The following CADM2 variants were observed in gnomAD, a reference collection of about 807,000 sequenced individuals.
CADM2 encodes cell adhesion molecule 2.
In CADM2, 12 loss-of-function variants were observed where a neutral mutation model predicts 49.8. The ratio of observed to expected loss-of-function variants is 0.24; its 90% CI spans 0.15 to 0.39. CADM2 has a LOEUF of 0.39. Ranked by LOEUF, CADM2 falls within the 10% of genes least tolerant of loss-of-function variation. The pLI is 1.00. For missense variants in CADM2, 378 were observed against 492.3 expected (o/e 0.77, Z 2.20); for synonymous variants, 214 against 175.4 (o/e 1.22, Z -1.74).
chr3:85,253,644 A>G (rs2042823649), intron 1 of CADM2, among the ~76,000 whole-genome samples: 1 of 152,000 alleles, frequency 6.6e-6, no homozygotes, highest in Admixed American at 6.6e-5. Context: ...AATGTCCTCC[A>G]AGTTTGTCGC....
At chr3:86,062,632 T>C (rs546628795) in intron 8 of CADM2, among the ~76,000 whole-genome samples, 1 of 148,340 alleles carries the variant, frequency 6.7e-6, no homozygotes, top group African/African-American at 2.5e-5. Flanking sequence ...ATACAAAAAT[T>C]AGCCGAGGCT....
intron 1 of CADM2, among the ~76,000 whole-genome samples, chr3:85,242,147 A>G (rs1433503758): frequency 6.6e-6 from 1 of 151,180 alleles, no homozygotes; most frequent in Non-Finnish European, 1.5e-5. Context: ...AATACTATGA[A>G]CTTTTCTGGT....
At chr3:85,579,967 A>G (rs1222564679) in intron 1 of CADM2, among the ~76,000 whole-genome samples, 1 of 152,204 alleles carries the variant, frequency 6.6e-6, no homozygotes, top group Non-Finnish European at 1.5e-5. Flanking sequence ...AAGTCATGAC[A>G]CAGATTTCTT....
At chr3:85,879,223 T>C (rs552659813) in intron 3 of CADM2, among the ~76,000 whole-genome samples, 3 of 152,094 alleles carry the variant, frequency 2.0e-5, no homozygotes, top group Admixed American at 2.0e-4. Flanking sequence ...TATCATGGCA[T>C]GTAGGAGATA....
intron 7 of CADM2, among the ~76,000 whole-genome samples, chr3:85,940,775 G>A (rs534827481): frequency 1.2e-4 from 18 of 152,070 alleles, no homozygotes; most frequent in East Asian, 9.7e-4. Flanking sequence ...ATAAATCTGC[G>A]GATATTAGTG....
At chr3:86,025,350 C>T (rs541070934) in intron 8 of CADM2, among the ~76,000 whole-genome samples, 5 of 152,084 alleles carry the variant, frequency 3.3e-5, no homozygotes, top group South Asian at 2.1e-4. Flanking sequence ...AGCAACTGTG[C>T]GCAGCCCATT....
In CADM2 at chr3:85,282,279, T is replaced by C. The variant is rs558714481; in HGVS notation, c.61+322611T>C. ...TTTTTTTTTTTTGCCTTTTTTTTTT[T>C]TTCGGACAGTCTCACTCTGTTGCCC... On this transcript the variant is annotated intron_variant, in intron 1 of 9. Transcript: ENST00000383699. Among the ~76,000 whole-genome samples the C allele has an allele frequency of 2.0e-4, 29 of 148,518 alleles. 1 individual carries two copies. Among genetic ancestry groups the C allele is most frequent in the Admixed American group, 1.9e-3 (28 of 14,876 alleles).
chr3:85,231,527 A>G (rs2042288848), intron 1 of CADM2, among the ~76,000 whole-genome samples: 1 of 151,332 alleles, frequency 6.6e-6, no homozygotes, highest in African/African-American at 2.5e-5. Context: ...AAGATATTAT[A>G]GTCAATATTT....
intron 1 of CADM2, among the ~76,000 whole-genome samples, chr3:85,228,006 TG>T (rs2042199749): frequency 6.6e-6 from 1 of 151,950 alleles, no homozygotes; most frequent in Admixed American, 6.6e-5. Context: ...GTTGTTCTTA[TG>T]GGCTTCCCTT....
intron 8 of CADM2, among the ~76,000 whole-genome samples, chr3:86,051,056 C>A (rs966142058): frequency 8.5e-5 from 13 of 152,158 alleles, no homozygotes; most frequent in African/African-American, 3.1e-4. Context: ...AGCTTATATA[C>A]TCTACTTTCT....
rs528451579 is a variant in CADM2, at chr3:86,043,074, G to A, written c.971-22531G>A. ...GCAATAAATTAGGTATTGATGGGAC[G>A]TATCTCAAAATAATAAGAGCTATCT... On this transcript the variant is annotated intron_variant, in intron 8 of 9. Transcript: ENST00000383699. Among the ~76,000 whole-genome samples, 465 of 152,210 alleles carry A rather than the reference G, an allele frequency of 3.1e-3. 3 individuals are homozygous for A. The highest frequency in any genetic ancestry group is 1.0e-2 in the African/African-American group (415 of 41,540).
intron 3 of CADM2, among the ~76,000 whole-genome samples, chr3:85,820,548 G>GTCATGGATGATT (rs1414855082): frequency 6.6e-6 from 1 of 152,114 alleles, no homozygotes; most frequent in Admixed American, 6.6e-5. Flanking sequence ...TGAAAGAGGA[G>GTCATGGATGATT]TCATGGATGA....
intron 1 of CADM2, among the ~76,000 whole-genome samples, chr3:85,253,720 C>T (rs960620656): frequency 9.2e-5 from 14 of 151,934 alleles, no homozygotes; most frequent in Admixed American, 1.3e-4. Context: ...AGCTATGTGG[C>T]CAAATTTTTT....
At chr3:85,926,066 G>A (rs897390252) in intron 6 of CADM2, among the ~76,000 whole-genome samples, 15 of 151,770 alleles carry the variant, frequency 9.9e-5, no homozygotes, top group African/African-American at 3.6e-4. Context: ...GAACCCGGGA[G>A]GAGGAGCTTG....
At chr3:85,471,579 T>G (rs550977254) in intron 1 of CADM2, among the ~76,000 whole-genome samples, 1 of 152,174 alleles carries the variant, frequency 6.6e-6, no homozygotes, top group Admixed American at 6.6e-5. Flanking sequence ...TTTAGTTAGA[T>G]TTTCCTAAGA....
At chr3:85,518,646 C>T (rs2060959527) in intron 1 of CADM2, among the ~76,000 whole-genome samples, 1 of 152,082 alleles carries the variant, frequency 6.6e-6, no homozygotes, top group African/African-American at 2.4e-5. Context: ...TGTTCCTTGC[C>T]CCTTCCAACT....
chr3:85,575,732 T>C lies in CADM2; in HGVS notation c.62-150790T>C, dbSNP rs1260829588. Among the ~76,000 whole-genome samples the C allele has an allele frequency of 3.9e-5, 6 of 152,148 alleles. No individual in the cohort carries two copies. In the South Asian group the frequency reaches 8.3e-4, roughly 21 times the overall value. ...AGTATGTTTTGAGATGACACTTGCA[T>C]GATAGTATGATGTCAAACTGTTGGG... On this transcript the variant is annotated intron_variant, in intron 1 of 9. Transcript: ENST00000383699.
At chr3:85,688,414 C>G (rs1408097346) in intron 1 of CADM2, among the ~76,000 whole-genome samples, 2 of 152,064 alleles carry the variant, frequency 1.3e-5, no homozygotes. Context: ...AACATCACTA[C>G]ATATCTGTTG....
chr3:85,259,760 G>A lies in CADM2; in HGVS notation c.61+300092G>A, dbSNP rs145445270. 3.3e-5 allele frequency among the ~76,000 whole-genome samples: 5 copies of A among 152,066 alleles called. No homozygotes were observed. The East Asian group carries it at 9.7e-4, about 29-fold the overall frequency. ...GAATTTCAAATCAAAGTGTTTCTTT[G>A]GCTTGAATGATATGGACAATTGTCT... On this transcript the variant is annotated intron_variant, in intron 1 of 9. Transcript: ENST00000383699.
Sources: allele counts gnomAD v4.1 joint callset (sites outside exome capture counted in the v4.1 genomes callset), GRCh38; gene constraint gnomAD v4.1.1; transcripts MANE v1.5; gene names NCBI Gene and HGNC (gene_info 2026-07-23, HGNC 2026-07-21).